Variants in MTMR9 observed in about 807,000 individuals in gnomAD.
MTMR9 encodes myotubularin related protein 9, also known as myotubularin-related protein 9.
Under a neutral mutation model 69.5 loss-of-function variants are expected in MTMR9, and 39 were observed. That is an observed-to-expected ratio of 0.56 (90% CI 0.43 to 0.73). The LOEUF (loss-of-function observed/expected upper bound fraction) is 0.73, where lower values mean the gene tolerates loss of function less well. Among genes scored for constraint, MTMR9 ranks in the 30% least tolerant of loss-of-function variants. The pLI is 0.00. For synonymous variants in MTMR9, 354 were observed against 240.8 expected (o/e 1.47, Z -4.35); for missense variants, 900 against 671.2 (o/e 1.34, Z -3.77).
At chr8:11,293,278 G>T (rs1479964865) in intron 1 of MTMR9, among the ~76,000 whole-genome samples, 1 of 152,134 alleles carries the variant, frequency 6.6e-6, no homozygotes, top group Non-Finnish European at 1.5e-5. Context: ...ATAGAATGAG[G>T]ATATAAAGAA....
chr8:11,319,267 G>C (rs955231532), intron 8 of MTMR9: 1 of 153,770 alleles, frequency 6.5e-6, no homozygotes, highest in Non-Finnish European at 1.4e-5. Context: ...ATGTCAAAAA[G>C]TGTATAATTT....
rs920903643 is a variant in MTMR9 at position 11,325,776 on chromosome 8, G to T, written c.*2988G>T. 1 of 151,152 alleles carries T rather than the reference G, an allele frequency of 6.6e-6. No individual in the cohort carries two copies. The highest frequency in any genetic ancestry group is 6.6e-5 in the Admixed American group (1 of 15,142). The allele number at this position is 151,152 out of a possible 1,614,324, so 9.4% of individuals were successfully genotyped here. Reference sequence around the variant, plus strand: ...TTATTTGGTCAAAATTTTTTATTTTGATTTTATTAAATGGGAAGAAAGCAA... The same window carrying T: ...TTATTTGGTCAAAATTTTTTATTTTTATTTTATTAAATGGGAAGAAAGCAA... On this transcript the variant is annotated 3_prime_UTR_variant, in exon 10 of 10. Transcript: ENST00000221086.
Position 11,304,863 on chromosome 8 carries a change from A to T in MTMR9, c.440A>T (p.Tyr147Phe), listed in dbSNP as rs139991418. The change falls in exon 4 of 10, where the codon TAT (tyrosine) becomes TTT (phenylalanine). Residue 147 changes from tyrosine (Y) to phenylalanine (F), a missense_variant. Coordinates refer to ENST00000221086, the MANE Select transcript of MTMR9 (RefSeq NM_015458.4). ...CAGACCAGTGAATGGAGGCTAAGCTATGTCAATAAGGAATTTGCTGTCTGT... is the reference window on the plus strand; with the variant it reads ...CAGACCAGTGAATGGAGGCTAAGCTTTGTCAATAAGGAATTTGCTGTCTGT... Reference protein sequence around the residue: ...SSATSEWRLSYVNKEFAVCPS... With the variant: ...SSATSEWRLSFVNKEFAVCPS... The T allele has an allele frequency of 1.2e-6, 2 of 1,614,016 alleles. No homozygotes were observed. Among genetic ancestry groups the T allele is most frequent in the East Asian group, 4.5e-5 (2 of 44,888 alleles).
chr8:11,287,069 T>C (rs1028565849), intron 1 of MTMR9, among the ~76,000 whole-genome samples: 1 of 152,244 alleles, frequency 6.6e-6, no homozygotes, highest in African/African-American at 2.4e-5. Flanking sequence ...GCCTGTTACC[T>C]GTCTATGAGT....
At chr8:11,293,273 A>T (rs1799429961) in intron 1 of MTMR9, among the ~76,000 whole-genome samples, 1 of 152,230 alleles carries the variant, frequency 6.6e-6, no homozygotes, top group Non-Finnish European at 1.5e-5. Flanking sequence ...AGCTTATAGA[A>T]TGAGGATATA....
chr8:11,296,909 T>C (rs1414722389), intron 2 of MTMR9, among the ~76,000 whole-genome samples: 1 of 152,144 alleles, frequency 6.6e-6, no homozygotes, highest in Admixed American at 6.6e-5. Context: ...ATATTGAATA[T>C]TGGTTCAGAT....
intron 8 of MTMR9, 70 bp downstream of exon 8, chr8:11,316,963 C>A: frequency 3.0e-6 from 3 of 997,472 alleles, no homozygotes; most frequent in Non-Finnish European, 4.4e-6. Context: ...TAGCCAGAAT[C>A]TCCTAGGAGA....
chr8:11,312,981 C>G (rs1037289578), intron 6 of MTMR9, among the ~76,000 whole-genome samples: 6 of 152,210 alleles, frequency 3.9e-5, no homozygotes, highest in African/African-American at 1.4e-4. Flanking sequence ...TGGACTTAAA[C>G]TATTCAGTAA....
At chr8:11,298,450 A>G (rs1003503672) in intron 2 of MTMR9, among the ~76,000 whole-genome samples, 2 of 152,030 alleles carry the variant, frequency 1.3e-5, no homozygotes, top group Non-Finnish European at 2.9e-5. Context: ...TTGTTTTATG[A>G]GGTAGGAGAG....
At chr8:11,297,629 T>G (rs568915031) in intron 2 of MTMR9, among the ~76,000 whole-genome samples, 1 of 152,202 alleles carries the variant, frequency 6.6e-6, no homozygotes, top group South Asian at 2.1e-4. Flanking sequence ...ACTGGCTGGT[T>G]GGTGTCAGAG....
chr8:11,302,765 A>C (rs1443926044), intron 3 of MTMR9, among the ~76,000 whole-genome samples: 1 of 152,154 alleles, frequency 6.6e-6, no homozygotes, highest in East Asian at 1.9e-4. Context: ...CAAAATTGTC[A>C]ATATTTATTG....
intron 1 of MTMR9, among the ~76,000 whole-genome samples, chr8:11,290,014 G>A (rs1277177303): frequency 3.9e-5 from 6 of 152,300 alleles, no homozygotes; most frequent in African/African-American, 1.4e-4. Flanking sequence ...TAAAGTAGGT[G>A]CGTATCTCAT....
the MTMR9 span, among the ~76,000 whole-genome samples, chr8:11,334,000 A>G: frequency 6.6e-6 from 1 of 152,198 alleles, no homozygotes; most frequent in Non-Finnish European, 1.5e-5. Context: ...TCCTGATAAA[A>G]AAGATTCTGA....
rs56104389 is a variant in MTMR9, at chr8:11,305,990, G to T, written c.592-200G>T. Among the ~76,000 whole-genome samples the T allele has an allele frequency of 5.2e-3, 787 of 152,312 alleles. 7 individuals are homozygous for T. The highest frequency in any genetic ancestry group is 0.018 in the African/African-American group (755 of 41,562). ...GACAGTATTTTGAGACAGAGAAATT[G>T]TGTAAAAGCTTAAGGCTTATCTTTT... is the stretch of plus-strand genomic sequence containing the variant. On this transcript the variant is annotated intron_variant, in intron 4 of 9. Transcript: ENST00000221086.
intron 8 of MTMR9, chr8:11,317,357 C>G (rs924411469): frequency 6.6e-6 from 1 of 152,376 alleles, no homozygotes; most frequent in African/African-American, 2.4e-5. Context: ...AACAACTTTT[C>G]TTTGGATTGG....
chr8:11,300,338 T>C, intron 3 of MTMR9, 190 bp downstream of exon 3: 1 of 482,562 alleles, frequency 2.1e-6, no homozygotes, highest in Non-Finnish European at 3.6e-6. Context: ...AGATTAATAA[T>C]CAGTAATACT....
intron 1 of MTMR9, among the ~76,000 whole-genome samples, chr8:11,286,414 C>T (rs1799159277): frequency 6.6e-6 from 1 of 151,538 alleles, no homozygotes; most frequent in South Asian, 2.1e-4. Flanking sequence ...CCTGTAATCC[C>T]AGCACTTTGG....
intron 7 of MTMR9, chr8:11,315,916 A>G (rs557657378): frequency 2.6e-5 from 4 of 152,342 alleles, no homozygotes; most frequent in South Asian, 2.1e-4. Context: ...TAAAATTTCT[A>G]TGTCATTACC....
At position 11,295,042 on chromosome 8, in the gene MTMR9, A is replaced by G. The variant is rs1799503446; in HGVS notation, c.183-152A>G. 8.1e-6 allele frequency: 4 copies of G among 491,658 alleles called. No homozygotes were observed. The Admixed American group carries it at 1.1e-4, about 13-fold the overall frequency. 30.5% of individuals were successfully genotyped at this position (491,658 alleles called of 1,614,324 possible). A position where few individuals can be genotyped will look rare whatever the true frequency, so the allele number is the denominator to read the frequency against. On this transcript the variant is annotated intron_variant, in intron 1 of 9. Transcript: ENST00000221086. ...TAAGTAATGTATGGCTCACATTTTA[A>G]TGATGCAGCCTTGCTTCTTCCTTAA... is the stretch of plus-strand genomic sequence containing the variant.
Sources: allele counts gnomAD v4.1 joint callset (sites outside exome capture counted in the v4.1 genomes callset), GRCh38; gene constraint gnomAD v4.1.1; transcripts MANE v1.5; gene names NCBI Gene and HGNC (gene_info 2026-07-23, HGNC 2026-07-21).